POFUT3: variants seen among roughly 807,000 people sequenced by gnomAD.
POFUT3 encodes GDP-fucose protein O-fucosyltransferase 3.
chr8:33,319,093 T>G, the POFUT3 span, among the ~76,000 whole-genome samples: 2 of 81,380 alleles, frequency 2.5e-5, 1 homozygote, highest in African/African-American at 1.1e-4. Context: ...TATAAATATA[T>G]TTTACATATA....
At chr8:33,358,156 G>A in the POFUT3 span, among the ~76,000 whole-genome samples, 2 of 152,210 alleles carry the variant, frequency 1.3e-5, no homozygotes, top group African/African-American at 4.8e-5. Context: ...GGGAGGCTGA[G>A]GTGAGAGAAT....
At chr8:33,465,565 C>T in the POFUT3 span, among the ~76,000 whole-genome samples, 24 of 152,034 alleles carry the variant, frequency 1.6e-4, no homozygotes, top group Non-Finnish European at 2.8e-4. Flanking sequence ...TGAATTCAAG[C>T]GATTCTCCTG....
chr8:33,388,049 C>T, the POFUT3 span, among the ~76,000 whole-genome samples: 1 of 152,152 alleles, frequency 6.6e-6, no homozygotes, highest in Non-Finnish European at 1.5e-5. Context: ...CAAGCACCAT[C>T]TAGAAATTTG....
the POFUT3 span, among the ~76,000 whole-genome samples, chr8:33,443,214 T>C: frequency 1.3e-5 from 2 of 152,250 alleles, no homozygotes; most frequent in African/African-American, 2.4e-5. Context: ...CATTTATTAA[T>C]AATTTTATTA....
At chr8:33,427,381 C>T in the POFUT3 span, among the ~76,000 whole-genome samples, 3 of 151,864 alleles carry the variant, frequency 2.0e-5, no homozygotes, top group African/African-American at 7.3e-5. Flanking sequence ...AGTTCGAGAC[C>T]AGCCTGGCCA....
the POFUT3 span, chr8:33,453,086 T>TG: frequency 1.1e-6 from 1 of 888,964 alleles, no homozygotes; most frequent in South Asian, 1.7e-5. Context: ...ACAGAGCAAA[T>TG]GCAAAGGAAA....
chr8:33,453,442 T>C, the POFUT3 span: 133 of 1,614,064 alleles, frequency 8.2e-5, 2 homozygotes, highest in Admixed American at 2.1e-3. Flanking sequence ...CCTCCATTTT[T>C]GTATGTCCAT....
chr8:33,453,672 C>A, the POFUT3 span, among the ~76,000 whole-genome samples: 1 of 152,118 alleles, frequency 6.6e-6, no homozygotes, highest in African/African-American at 2.4e-5. Context: ...GCAAGGTGCA[C>A]TGGCTTATAC....
At chr8:33,442,616 C>T in the POFUT3 span, among the ~76,000 whole-genome samples, 1 of 141,164 alleles carries the variant, frequency 7.1e-6, no homozygotes, top group Non-Finnish European at 1.5e-5. Flanking sequence ...AAAAAGGCTA[C>T]CAGATTTTCA....
chr8:33,434,274 CA>C, the POFUT3 span, among the ~76,000 whole-genome samples: 40 of 151,850 alleles, frequency 2.6e-4, no homozygotes, highest in African/African-American at 8.0e-4. Flanking sequence ...AACAAAAAAG[CA>C]AAAGTTGCCC....
At chr8:33,333,576 CA>C in the POFUT3 span, among the ~76,000 whole-genome samples, 2 of 151,914 alleles carry the variant, frequency 1.3e-5, no homozygotes, top group African/African-American at 4.8e-5. Flanking sequence ...GAGCTGGGAC[CA>C]GGGGTAGAGT....
the POFUT3 span, among the ~76,000 whole-genome samples, chr8:33,331,660 GATT>G: frequency 6.6e-6 from 1 of 151,536 alleles, no homozygotes; most frequent in South Asian, 2.1e-4. Flanking sequence ...TATCTCTAAA[GATT>G]TTGTTGTTGT....
chr8:33,397,758 C>CTGAT, the POFUT3 span, among the ~76,000 whole-genome samples: 2 of 152,132 alleles, frequency 1.3e-5, no homozygotes, highest in Admixed American at 1.3e-4. Context: ...ACTGGATTGA[C>CTGAT]TGATTGATTG....
chr8:33,314,313 G>A, the POFUT3 span, among the ~76,000 whole-genome samples: 1 of 152,148 alleles, frequency 6.6e-6, no homozygotes, highest in Non-Finnish European at 1.5e-5. Context: ...AACCACGTGG[G>A]ATGGAGGTTA....
chr8:33,334,376 C>T, the POFUT3 span, among the ~76,000 whole-genome samples: 1 of 152,290 alleles, frequency 6.6e-6, no homozygotes, highest in Non-Finnish European at 1.5e-5. Flanking sequence ...CGCCACCACA[C>T]TCGGCTAAGT....
chr8:33,428,863 C>T, the POFUT3 span, among the ~76,000 whole-genome samples: 8 of 152,200 alleles, frequency 5.3e-5, no homozygotes, highest in Non-Finnish European at 1.0e-4. Flanking sequence ...TTCCCAGCCC[C>T]CAGAACCATG....
the POFUT3 span, among the ~76,000 whole-genome samples, chr8:33,315,801 A>C: frequency 1.3e-5 from 2 of 152,244 alleles, no homozygotes; most frequent in East Asian, 3.9e-4. Context: ...TCACTGAAAA[A>C]ACAGAAATTC....
At chr8:33,335,575 A>G in the POFUT3 span, among the ~76,000 whole-genome samples, 1 of 152,134 alleles carries the variant, frequency 6.6e-6, no homozygotes, top group African/African-American at 2.4e-5. Context: ...CTTTTGACTA[A>G]TGTAGGGGTT....
the POFUT3 span, among the ~76,000 whole-genome samples, chr8:33,410,119 C>T: frequency 3.3e-5 from 5 of 152,032 alleles, no homozygotes; most frequent in Non-Finnish European, 7.4e-5. Context: ...CCATTCTGAT[C>T]TGGAGGTCTT....
Sources: gnomAD v4.1 joint callset for allele counts (sites outside exome capture counted in the v4.1 genomes callset) on GRCh38, gnomAD v4.1.1 for gene constraint, MANE v1.5 for transcripts, NCBI Gene and HGNC (gene_info 2026-07-23, HGNC 2026-07-21) for gene names.